The following TOP1MT variants were observed in gnomAD, a reference collection of about 807,000 sequenced individuals.
TOP1MT encodes the protein DNA topoisomerase I mitochondrial.
In TOP1MT, 80 loss-of-function variants were observed where a neutral mutation model predicts 73.9. That is an observed-to-expected ratio of 1.08 (90% confidence interval 0.90 to 1.30). TOP1MT has a LOEUF of 1.30. Ranked by LOEUF, TOP1MT falls within the 50% of genes most tolerant of loss-of-function variation. The pLI is 0.00. For synonymous variants in TOP1MT, 338 were observed against 326.4 expected, an observed-to-expected ratio of 1.04 and a Z score of -0.38; for missense variants, 815 against 808.0, an observed-to-expected ratio of 1.01 and a Z score of -0.10.
intron 2 of TOP1MT, among the ~76,000 whole-genome samples, chr8:143,342,819 C>CT (rs1411592619): frequency 4.9e-5 from 6 of 122,780 alleles, no homozygotes; most frequent in Non-Finnish European, 9.3e-5. Flanking sequence ...GAGTCTCGCT[C>CT]TGTCACCCAG....
rs532142597 is a variant in TOP1MT at position 143,320,632 on chromosome 8, G to T, written c.1146+569C>A. 2.6e-5 allele frequency among the ~76,000 whole-genome samples: 4 copies of T among 152,182 alleles called. No individual in the cohort carries two copies. In the East Asian group the frequency reaches 5.8e-4, roughly 22 times the overall value. On this transcript the variant is annotated intron_variant, in intron 8 of 13. Transcript: ENST00000329245. ...ATAAGATGAAGTCATAGAAAGAGTG[G>T]GCTGGGCCCTAACTCCAATACGACA...
intron 7 of TOP1MT, among the ~76,000 whole-genome samples, chr8:143,322,722 CA>C (rs1816514903): frequency 5.3e-5 from 1 of 18,728 alleles, no homozygotes. Context: ...ACGCCACACA[CA>C]GGCACGCCAC....
rs778858235 is a variant in TOP1MT, at chr8:143,321,232, C to T, written c.1115G>A (p.Arg372His). 37 of 1,610,266 alleles carry T rather than the reference C, an allele frequency of 2.3e-5. No homozygotes were observed. The highest frequency in any genetic ancestry group is 2.9e-5 in the Non-Finnish European group (34 of 1,178,182). ...CTCCACCGGCACTCTGTTGTAGTAG[C>T]GGATGCAGTCCTTCCCCAGGAAGTC... ...EFDFLGKDCIRYYNRVPVEKP... is the reference protein window; with the variant it reads ...EFDFLGKDCIHYYNRVPVEKP... Residue 372 changes from arginine (R) to histidine (H), a missense_variant, in exon 8 of 14, where the codon CGC becomes CAC. Physicochemically the swap from Arg to His is conservative, Grantham distance 29. Coordinates refer to ENST00000329245, the MANE Select transcript of TOP1MT (RefSeq NM_052963.3).
chr8:143,326,440 A>G (rs1269847725), intron 3 of TOP1MT, 96 bp from the exon 4 acceptor site: 22 of 1,547,508 alleles, frequency 1.4e-5, no homozygotes, highest in Non-Finnish European at 1.9e-5. Flanking sequence ...CGCTCTCGCC[A>G]TGTCCGACGG....
At chr8:143,337,336 CAG>C (rs1204120012), upstream of TOP1MT, among the ~76,000 whole-genome samples, 1 of 152,018 alleles carries the variant, frequency 6.6e-6, no homozygotes, top group Non-Finnish European at 1.5e-5. Context: ...ACCCAGGAGG[CAG>C]AGCTTGCAGT....
chr8:143,321,002 C>T (rs1816323466), intron 8 of TOP1MT, among the ~76,000 whole-genome samples, 199 bp downstream of exon 8: 1 of 152,198 alleles, frequency 6.6e-6, no homozygotes, highest in African/African-American at 2.4e-5. Flanking sequence ...CGACCAGCTC[C>T]CTTGTGAACC....
At chr8:143,345,435 T>G (rs1817204394), upstream of TOP1MT, among the ~76,000 whole-genome samples, 2 of 152,152 alleles carry the variant, frequency 1.3e-5, no homozygotes, top group African/African-American at 4.8e-5. Context: ...GAGGACACAG[T>G]TGCAAACTCG....
Position 143,326,215 on chromosome 8 carries a change from G to A in TOP1MT, c.483+7C>T. On this transcript the variant is annotated splice_region_variant and intron_variant, in intron 4 of 13. Transcript: ENST00000329245. ...TTCAGGTCACACAACGCTCGAGGCA[G>A]CCCAACCTGCTTCTCCTCCCTGCTC... 1 of 1,613,634 alleles carries A rather than the reference G, an allele frequency of 6.2e-7. No homozygotes were observed. Among genetic ancestry groups the A allele is most frequent in the Non-Finnish European group, 8.5e-7 (1 of 1,179,970 alleles).
Position 143,315,899 on chromosome 8 carries a change from A to G in TOP1MT, c.1459-78T>C, listed in dbSNP as rs953555207. ...CTGTGCCCACACCCTTCCACACCCT[A>G]CGTGCCCACCGCAGCTGGCTCCCAG... On this transcript the variant is annotated intron_variant, in intron 11 of 13. Coordinates refer to ENST00000329245, the MANE Select transcript of TOP1MT (RefSeq NM_052963.3). 7 of 1,602,142 alleles carry G rather than the reference A, an allele frequency of 4.4e-6. No homozygotes were observed. In the Admixed American group the frequency reaches 6.7e-5, roughly 15 times the overall value.
chr8:143,354,695 A>G (rs1360822704), intron 1 of TOP1MT, among the ~76,000 whole-genome samples: 1 of 151,426 alleles, frequency 6.6e-6, no homozygotes, highest in African/African-American at 2.5e-5. Context: ...CTGGGCAGCA[A>G]GAGTGAAACT....
intron 12 of TOP1MT, among the ~76,000 whole-genome samples, chr8:143,314,572 G>A (rs1408648292): frequency 3.0e-5 from 4 of 132,532 alleles, no homozygotes; most frequent in African/African-American, 8.4e-5. Flanking sequence ...CCAGCCTGGC[G>A]ACAGAGACTC....
chr8:143,359,045 G>A (rs1303025377), upstream of TOP1MT, among the ~76,000 whole-genome samples: 3 of 150,412 alleles, frequency 2.0e-5, no homozygotes, highest in Admixed American at 6.6e-5. Context: ...GTCTCACTAT[G>A]TTGCCCAGGC....
intron 12 of TOP1MT, among the ~76,000 whole-genome samples, chr8:143,312,535 T>G (rs1816040705): frequency 6.6e-6 from 1 of 151,822 alleles, no homozygotes; most frequent in Non-Finnish European, 1.5e-5. Context: ...AAAAAGAACC[T>G]CAACAAACTA....
At chr8:143,325,883 C>G (rs1053669696) in intron 4 of TOP1MT, among the ~76,000 whole-genome samples, 1 of 152,196 alleles carries the variant, frequency 6.6e-6, no homozygotes, top group Non-Finnish European at 1.5e-5. Context: ...GATCACAGCA[C>G]GGCAGGTTCC....
rs201314878 is a variant in TOP1MT at position 143,309,474 on chromosome 8, A to G, written c.1773T>C (p.Ala591=). 1.2e-6 allele frequency: 2 copies of G among 1,614,006 alleles called. No individual in the cohort carries two copies. The highest frequency in any genetic ancestry group is 1.7e-6 in the Non-Finnish European group (2 of 1,180,036). ...SKTQRERFAW[A]LAMAGEDFEF ...CAAAGTCTTCTCCTGCCATGGCGAGAGCCCAGGCGAACCTCTCCCGCTGTG... is the reference window on the plus strand; with the variant it reads ...CAAAGTCTTCTCCTGCCATGGCGAGGGCCCAGGCGAACCTCTCCCGCTGTG... The change falls in exon 14 of 14, where the codon GCT becomes GCC. Residue 591 remains alanine, a synonymous_variant. Coordinates refer to ENST00000329245, the MANE Select transcript of TOP1MT (RefSeq NM_052963.3).
rs184056748 is a variant in TOP1MT at position 143,333,695 on chromosome 8, C to T, written c.122+1045G>A. The T allele has an allele frequency of 6.6e-4, 101 of 152,538 alleles. 1 individual carries two copies. The highest frequency in any genetic ancestry group is 2.3e-3 in the African/African-American group (96 of 41,596). 9.4% of individuals were successfully genotyped at this position (152,538 alleles called of 1,614,324 possible). ...CAGAGACCAGGGCACCAAGCACCACCATCAGACACAAGCTGGCTTTCAAAG... is the reference window on the plus strand; with the variant it reads ...CAGAGACCAGGGCACCAAGCACCACTATCAGACACAAGCTGGCTTTCAAAG... On this transcript the variant is annotated intron_variant, in intron 1 of 13. Coordinates refer to ENST00000329245, the MANE Select transcript of TOP1MT (RefSeq NM_052963.3).
chr8:143,330,761 T>TGCCCCAGAGCCCCCGGGTCCTGCC (rs1423498394), intron 2 of TOP1MT, among the ~76,000 whole-genome samples: 2 of 152,172 alleles, frequency 1.3e-5, no homozygotes, highest in Non-Finnish European at 2.9e-5. Flanking sequence ...TGGGCCCTGC[T>TGCCCCAGAGCCCCCGGGTCCTGCC]GCCCCAGAGC....
At chr8:143,314,161 C>T (rs1209527411) in intron 12 of TOP1MT, among the ~76,000 whole-genome samples, 1 of 152,138 alleles carries the variant, frequency 6.6e-6, no homozygotes, top group African/African-American at 2.4e-5. Context: ...GTGCCGCCGC[C>T]CTGGAGAAGA....
upstream of TOP1MT, among the ~76,000 whole-genome samples, chr8:143,349,525 C>A (rs892935701): frequency 3.9e-5 from 6 of 152,166 alleles, no homozygotes; most frequent in Non-Finnish European, 7.3e-5. Context: ...TTCCAATAAA[C>A]CCCCCAGCAT....
Sources: gnomAD v4.1 joint callset for allele counts (sites outside exome capture counted in the v4.1 genomes callset) on GRCh38, gnomAD v4.1.1 for gene constraint, MANE v1.5 for transcripts, NCBI Gene and HGNC (gene_info 2026-07-23, HGNC 2026-07-21) for gene names.